The following EHBP1 variants were observed in gnomAD, a reference collection of about 807,000 sequenced individuals.
EHBP1 encodes EH domain-binding protein 1.
EHBP1 carries 55 observed loss-of-function variants against 144.0 expected under a neutral mutation model. The ratio of observed to expected loss-of-function variants is 0.38; its 90% confidence interval spans 0.31 to 0.48. EHBP1 has a LOEUF of 0.48. Ranked by LOEUF, EHBP1 falls within the 20% of genes least tolerant of loss-of-function variation. The pLI is 0.98. For synonymous variants in EHBP1, 469 were observed against 472.7 expected (o/e 0.99, Z 0.10); for missense variants, 1,200 against 1,364.2 (o/e 0.88, Z 1.90).
intron 8 of EHBP1, among the ~76,000 whole-genome samples, chr2:62,863,243 C>A (rs1188850834): frequency 6.6e-6 from 1 of 151,986 alleles, no homozygotes; most frequent in Admixed American, 6.6e-5. Context: ...CGAGATTGCA[C>A]CACTGCACTC....
rs550671360 is a variant in EHBP1 at position 63,030,882 on chromosome 2, G to A, written c.3104-6653G>A. 6.4e-4 allele frequency among the ~76,000 whole-genome samples: 86 copies of A among 133,876 alleles called. No homozygotes were observed. In the Middle Eastern group the frequency reaches 0.014, roughly 21 times the overall value. The allele number at this position is 133,876 out of a possible 152,430, so 87.8% of individuals were successfully genotyped here. A position where few individuals can be genotyped will look rare whatever the true frequency, so the allele number is the denominator to read the frequency against. On this transcript the variant is annotated intron_variant, in intron 19 of 22. Coordinates refer to ENST00000431489, the MANE Select transcript of EHBP1 (RefSeq NM_001142616.3). ...GTGGTCTCAGCTCACTGCAACCTCC[G>A]CCTCTTAGGTTCAAGTGATTCTCCT...
At chr2:63,030,395 C>T (rs2061183435) in intron 19 of EHBP1, among the ~76,000 whole-genome samples, 1 of 149,422 alleles carries the variant, frequency 6.7e-6, no homozygotes, top group Non-Finnish European at 1.5e-5. Flanking sequence ...TAATATTTAG[C>T]TATATATATA....
chr2:62,827,010 C>A (rs1456348059), intron 6 of EHBP1, among the ~76,000 whole-genome samples: 1 of 152,176 alleles, frequency 6.6e-6, no homozygotes, highest in Non-Finnish European at 1.5e-5. Flanking sequence ...AATGGAAATT[C>A]TATACCTAGA....
chr2:62,909,096 G>A (rs991439929), intron 10 of EHBP1, among the ~76,000 whole-genome samples: 5 of 152,160 alleles, frequency 3.3e-5, no homozygotes, highest in African/African-American at 1.2e-4. Flanking sequence ...AGATTTAGGC[G>A]TGCAAGTACC....
chr2:62,817,643 A>G (rs1223280895), intron 5 of EHBP1, among the ~76,000 whole-genome samples: 1 of 152,236 alleles, frequency 6.6e-6, no homozygotes, highest in Non-Finnish European at 1.5e-5. Context: ...TGTGTTCAGA[A>G]TAATTGCAAG....
chr2:62,948,247 C>G lies in EHBP1; in HGVS notation c.1414-13C>G. The G allele has an allele frequency of 6.6e-7, 1 of 1,524,086 alleles. No homozygotes were observed. Among genetic ancestry groups the G allele is most frequent in the Non-Finnish European group, 8.8e-7 (1 of 1,138,730 alleles). The allele number at this position is 1,524,086 out of a possible 1,614,324, so 94.4% of individuals were successfully genotyped here. On this transcript the variant is annotated splice_polypyrimidine_tract_variant and intron_variant, in intron 12 of 22. Coordinates refer to ENST00000431489, the MANE Select transcript of EHBP1 (RefSeq NM_001142616.3). Reference sequence around the variant, plus strand: ...ACTGTTCAATATATCTTTTGTTTTTCCTTCCTTTGAAGGCATACGATGGAT... The same window carrying G: ...ACTGTTCAATATATCTTTTGTTTTTGCTTCCTTTGAAGGCATACGATGGAT...
intron 15 of EHBP1, among the ~76,000 whole-genome samples, chr2:62,986,511 C>T (rs918275816): frequency 4.0e-5 from 6 of 148,432 alleles, no homozygotes; most frequent in Non-Finnish European, 5.9e-5. Flanking sequence ...GGCGCGATCT[C>T]GGCTCACTGC....
rs534112271 is a variant in EHBP1 at position 62,839,979 on chromosome 2, A to G, written c.634+8821A>G. Among the ~76,000 whole-genome samples, 5 of 152,312 alleles carry G rather than the reference A, an allele frequency of 3.3e-5. No homozygotes were observed. In the South Asian group the frequency reaches 1.0e-3, roughly 32 times the overall value. ...CCAATGACTTTCTTCACAGAATTGG[A>G]AAAAACTACTTTAAAGTTCATATGG... is the stretch of plus-strand genomic sequence containing the variant. On this transcript the variant is annotated intron_variant, in intron 7 of 22. Transcript: ENST00000431489.
Position 62,680,206 on chromosome 2 carries a change from T to C in EHBP1, c.-296+6123T>C, listed in dbSNP as rs534124307. Among the ~76,000 whole-genome samples, 4 of 152,338 alleles carry C rather than the reference T, an allele frequency of 2.6e-5. No homozygotes were observed. In the South Asian group the frequency reaches 8.3e-4, roughly 32 times the overall value. On this transcript the variant is annotated intron_variant, in intron 1 of 22. Coordinates refer to the EHBP1 transcript ENST00000405015. ...TGGAGAGCTACTCCTATACAAAGAC[T>C]GGCTGGAACAACATGTCTCCCATTT...
At chr2:62,880,501 T>C (rs970614250) in intron 10 of EHBP1, among the ~76,000 whole-genome samples, 1 of 152,038 alleles carries the variant, frequency 6.6e-6, no homozygotes, top group Non-Finnish European at 1.5e-5. Context: ...CAACTACATA[T>C]CTGAGAAAGG....
chr2:62,924,449 C>G (rs368669072), intron 10 of EHBP1, among the ~76,000 whole-genome samples: 1 of 151,778 alleles, frequency 6.6e-6, no homozygotes, highest in African/African-American at 2.4e-5. Flanking sequence ...AAAAGATAAA[C>G]GAAATCAACA....
At chr2:63,004,675 T>C (rs1167691147) in intron 19 of EHBP1, among the ~76,000 whole-genome samples, 2 of 152,126 alleles carry the variant, frequency 1.3e-5, no homozygotes, top group East Asian at 1.9e-4. Context: ...ACAGTATTCA[T>C]TAAATTTGTA....
chr2:62,722,042 G>A (rs1377460803), intron 2 of EHBP1, among the ~76,000 whole-genome samples: 2 of 151,994 alleles, frequency 1.3e-5, no homozygotes, highest in African/African-American at 4.8e-5. Flanking sequence ...TATTTTGTAT[G>A]TAATTTTTTT....
chr2:62,940,396 T>A (rs1005627712), intron 10 of EHBP1: 1 of 159,436 alleles, frequency 6.3e-6, no homozygotes, highest in Non-Finnish European at 1.4e-5. Context: ...AGAGAGGAAA[T>A]GGACATGGGG....
intron 2 of EHBP1, among the ~76,000 whole-genome samples, chr2:62,725,295 G>A (rs537170378): frequency 3.3e-5 from 5 of 152,198 alleles, no homozygotes; most frequent in Non-Finnish European, 5.9e-5. Flanking sequence ...CAGCAGCAGC[G>A]GCTGTGGCAG....
intron 3 of EHBP1, among the ~76,000 whole-genome samples, chr2:62,755,449 G>A (rs1005991899): frequency 6.6e-6 from 1 of 151,684 alleles, no homozygotes; most frequent in African/African-American, 2.4e-5. Flanking sequence ...TGTGAATAAA[G>A]CTGCTATAGA....
At chr2:62,892,894 A>C (rs1267157952) in intron 10 of EHBP1, among the ~76,000 whole-genome samples, 2 of 152,178 alleles carry the variant, frequency 1.3e-5, no homozygotes, top group African/African-American at 4.8e-5. Context: ...TTCAGAGTAC[A>C]CATAAACCAA....
chr2:62,729,509 TAATAA>T (rs1244552483), intron 2 of EHBP1, among the ~76,000 whole-genome samples: 7 of 96,154 alleles, frequency 7.3e-5, no homozygotes, highest in African/African-American at 1.3e-4. Flanking sequence ...ATAATAAATA[TAATAA>T]AATAAATAAA....
At chr2:62,675,419 A>G (rs1402076971) in intron 1 of EHBP1, among the ~76,000 whole-genome samples, 1 of 152,200 alleles carries the variant, frequency 6.6e-6, no homozygotes, top group Non-Finnish European at 1.5e-5. Context: ...AGAAAGTCCT[A>G]GAGTACTGCT....
Sources: gnomAD v4.1 joint callset for allele counts (sites outside exome capture counted in the v4.1 genomes callset) on GRCh38, gnomAD v4.1.1 for gene constraint, MANE v1.5 for transcripts, NCBI Gene and HGNC (gene_info 2026-07-23, HGNC 2026-07-21) for gene names.